Variants in ZNF280A observed in about 807,000 individuals in gnomAD.
The protein encoded by ZNF280A is suppressor of hairy wing homolog 1.
ZNF280A carries 26 observed loss-of-function variants against 35.9 expected under a neutral mutation model. The ratio of observed to expected loss-of-function variants is 0.72; its 90% confidence interval spans 0.53 to 1.01. The LOEUF (loss-of-function observed/expected upper bound fraction) is 1.01. ZNF280A is among the 50% of genes least tolerant of loss of function. The pLI is 0.00. For synonymous variants in ZNF280A, 231 were observed against 232.9 expected (o/e 0.99, Z 0.07); for missense variants, 654 against 652.0 (o/e 1.00, Z -0.03).
chr22:22,517,766 A>G (rs945928589), intron 1 of ZNF280A, among the ~76,000 whole-genome samples: 1 of 151,816 alleles, frequency 6.6e-6, no homozygotes, highest in African/African-American at 2.4e-5. Flanking sequence ...GGAATCAAAA[A>G]TGACATATCT....
In ZNF280A at chr22:22,514,999, T is replaced by C. The variant is rs2062052239; in HGVS notation, c.632A>G (p.Gln211Arg). ...ATGGTTTGATGAGTTGCAGATCCCCTGTGAGGGTGTATTTGTGCTTATTGT... is the reference window on the plus strand; with the variant it reads ...ATGGTTTGATGAGTTGCAGATCCCCCGTGAGGGTGTATTTGTGCTTATTGT... Reference protein sequence around the residue: ...SSTISTNTPSQGICNSSNHVQ... With the variant: ...SSTISTNTPSRGICNSSNHVQ... The change falls in exon 2 of 2, where the codon CAG becomes CGG. Residue 211 changes from glutamine to arginine, a missense_variant. By Grantham distance (43) the Gln-to-Arg change is conservative (BLOSUM62 1). Transcript: ENST00000302097. 1 of 1,613,814 alleles carries C rather than the reference T, an allele frequency of 6.2e-7. No individual in the cohort carries two copies. The highest frequency in any genetic ancestry group is 1.3e-5 in the African/African-American group (1 of 74,870).
intron 1 of ZNF280A, among the ~76,000 whole-genome samples, chr22:22,517,586 A>C (rs362168): frequency 6.6e-6 from 1 of 151,604 alleles, no homozygotes; most frequent in Non-Finnish European, 1.5e-5. Flanking sequence ...TCACCTTACC[A>C]CAAGGGATAG....
chr22:22,514,097 T>C lies in ZNF280A; in HGVS notation c.1534A>G (p.Asn512Asp). The change falls in exon 2 of 2, where the codon AAC becomes GAC. Residue 512 changes from asparagine to aspartate, a missense_variant. Physicochemically the swap from Asn to Asp is conservative, Grantham distance 23 (BLOSUM62 1). Coordinates refer to ENST00000302097, the MANE Select transcript of ZNF280A (RefSeq NM_080740.5). Reference protein sequence around the residue: ...SSGMASVIVSNTDPQSSPVKT... With the variant: ...SSGMASVIVSDTDPQSSPVKT... ...ACAGGAGAAGACTGAGGGTCAGTGT[T>C]GCTAACAATAACGGAAGCCATACCA... 6.2e-7 allele frequency: 1 copy of C among 1,613,930 alleles called. No homozygotes were observed. The highest frequency in any genetic ancestry group is 8.5e-7 in the Non-Finnish European group (1 of 1,179,970).
intron 1 of ZNF280A, among the ~76,000 whole-genome samples, chr22:22,517,985 T>C (rs362118): frequency 0.5 from 73,938 of 148,078 alleles, 20,596 homozygotes; most frequent in African/African-American, 0.74. Flanking sequence ...AGTGCAGTGG[T>C]GCGATCTCGG....
chr22:22,516,441 T>G (rs933780666), intron 1 of ZNF280A, among the ~76,000 whole-genome samples: 1 of 151,944 alleles, frequency 6.6e-6, no homozygotes, highest in African/African-American at 2.4e-5. Context: ...AAAGCTAGTC[T>G]GCTCTATCTT....
chr22:22,518,554 G>GAGAT (rs2062101678), intron 1 of ZNF280A, among the ~76,000 whole-genome samples: 1 of 151,568 alleles, frequency 6.6e-6, no homozygotes, highest in Non-Finnish European at 1.5e-5. Flanking sequence ...TTGGGAGGCC[G>GAGAT]AGGTGGGCAG....
At chr22:22,518,167 C>T (rs952974273) in intron 1 of ZNF280A, among the ~76,000 whole-genome samples, 24 of 151,704 alleles carry the variant, frequency 1.6e-4, no homozygotes, top group Non-Finnish European at 2.5e-4. Flanking sequence ...CCTCGTGATC[C>T]GCCCGCCTCG....
At chr22:22,516,021 C>G (rs2062064881) in intron 1 of ZNF280A, among the ~76,000 whole-genome samples, 2 of 151,826 alleles carry the variant, frequency 1.3e-5, no homozygotes, top group Non-Finnish European at 2.9e-5. Flanking sequence ...TCTCAGATGT[C>G]TAAGGTTTCT....
chr22:22,518,373 C>T lies in ZNF280A; in HGVS notation c.-72+1716G>A, dbSNP rs187840931. On this transcript the variant is annotated intron_variant, in intron 1 of 1. Coordinates refer to ENST00000302097, the MANE Select transcript of ZNF280A (RefSeq NM_080740.5). ...CAGAAATTGGAAAATTGGCCCTTCC[C>T]CTGTTTTTGTACAGTCAGGAAGCCA... Among the ~76,000 whole-genome samples, 243 of 152,016 alleles carry T rather than the reference C, an allele frequency of 1.6e-3. 2 individuals are homozygous for T. The East Asian group carries it at 0.033, about 21-fold the overall frequency.
At position 22,514,320 on chromosome 22, in the gene ZNF280A, T is replaced by C. The variant is rs750998418; in HGVS notation, c.1311A>G (p.Pro437=). 1 of 1,613,944 alleles carries C rather than the reference T, an allele frequency of 6.2e-7. No homozygotes were observed. Among genetic ancestry groups the C allele is most frequent in the Admixed American group, 1.7e-5 (1 of 59,994 alleles). Residue 437 remains proline, a synonymous_variant, in exon 2 of 2, where the codon CCA becomes CCG. Coordinates refer to ENST00000302097, the MANE Select transcript of ZNF280A (RefSeq NM_080740.5). ...TGTGCCTCCAACAATGATTCATGTATGGTATTGCAGTTTTGAAAAGTTTGA... is the reference window on the plus strand; with the variant it reads ...TGTGCCTCCAACAATGATTCATGTACGGTATTGCAGTTTTGAAAAGTTTGA... The part of the protein sequence containing the change: ...FCLKLFKTAI[P]YMNHCWRHSR...
In ZNF280A at chr22:22,514,761, C is replaced by T. The variant is rs61746878; in HGVS notation, c.870G>A (p.Pro290=). 0.033 allele frequency: 52,665 copies of T among 1,613,810 alleles called. 985 individuals are homozygous for T. Among genetic ancestry groups the T allele is most frequent in the Middle Eastern group, 0.057 (343 of 6,052 alleles). ...YYGQHKGDGQ[P]EQKTHTTFKC... is the part of the protein sequence containing the mutation. ...TAAAGGTGGTGTGAGTCTTCTGTTCCGGCTGCCCATCTCCTTTATGCTGTC... is the reference window on the plus strand; with the variant it reads ...TAAAGGTGGTGTGAGTCTTCTGTTCTGGCTGCCCATCTCCTTTATGCTGTC... The change falls in exon 2 of 2, where the codon CCG becomes CCA. Residue 290 remains proline, a synonymous_variant. Transcript: ENST00000302097.
Position 22,514,997 on chromosome 22 carries a change from C to A in ZNF280A, c.634G>T (p.Gly212Trp), listed in dbSNP as rs1203696577. Residue 212 changes from glycine (G) to tryptophan (W), a missense_variant, in exon 2 of 2, where the codon GGG (glycine) becomes TGG (tryptophan). By Grantham distance (184) the Gly-to-Trp change is radical. Transcript: ENST00000302097. ...ACATGGTTTGATGAGTTGCAGATCC[C>A]CTGTGAGGGTGTATTTGTGCTTATT... ...STISTNTPSQ[G>W]ICNSSNHVQN... 6.2e-7 allele frequency: 1 copy of A among 1,613,666 alleles called. No homozygotes were observed. Among genetic ancestry groups the A allele is most frequent in the African/African-American group, 1.3e-5 (1 of 74,814 alleles).
chr22:22,517,876 T>TA lies in ZNF280A; in HGVS notation c.-71-2176dup, dbSNP rs362029. Among the ~76,000 whole-genome samples the TA allele has an allele frequency of 3.9e-3, 500 of 127,912 alleles. 2 individuals are homozygous for TA. Among genetic ancestry groups the TA allele is most frequent in the Admixed American group, 6.5e-3 (81 of 12,512 alleles). 83.9% of individuals were successfully genotyped at this position (127,912 alleles called of 152,430 possible). A position where few individuals can be genotyped will look rare whatever the true frequency, so the allele number is the denominator to read the frequency against. ...ATATCAGCATGTTTAACATCTGATG[T>TA]AAAAAAAAAAAAAAAGGAGAGTAAT... On this transcript the variant is annotated intron_variant, in intron 1 of 1. Coordinates refer to ENST00000302097, the MANE Select transcript of ZNF280A (RefSeq NM_080740.5).
At chr22:22,518,554 G>A (rs1290466476) in intron 1 of ZNF280A, among the ~76,000 whole-genome samples, 1 of 151,562 alleles carries the variant, frequency 6.6e-6, no homozygotes, top group Non-Finnish European at 1.5e-5. Flanking sequence ...TTGGGAGGCC[G>A]AGGTGGGCAG....
At position 22,515,167 on chromosome 22, in the gene ZNF280A, C is replaced by T. The variant is rs1468242323; in HGVS notation, c.464G>A (p.Gly155Glu). The change falls in exon 2 of 2, where the codon GGA becomes GAA. Residue 155 changes from glycine to glutamate, a missense_variant. Transcript: ENST00000302097. ...TQCLVGAMVS[G>E]GGRNESSPDS... ...AGGAGAACTCTCATTTCTGCCTCCT[C>T]CAGAGACCATAGCTCCAACTAGACA... 2 of 1,613,908 alleles carry T rather than the reference C, an allele frequency of 1.2e-6. No homozygotes were observed. Among genetic ancestry groups the T allele is most frequent in the Admixed American group, 3.3e-5 (2 of 59,996 alleles).
rs905891524 is a variant in ZNF280A, at chr22:22,514,582, T to G, written c.1049A>C (p.Gln350Pro). ...GATGTGTACACTATCAATGTGACAC[T>G]GTAGCTGGAAGGGAGTGGGAAACTG... Reference protein sequence around the residue: ...HRQFPTPFQLQCHIDSVHIAM... With the variant: ...HRQFPTPFQLPCHIDSVHIAM... The change falls in exon 2 of 2, where the codon CAG becomes CCG. Residue 350 changes from glutamine (Q) to proline (P), a missense_variant. Physicochemically the swap from Gln to Pro is moderately conservative, Grantham distance 76. Transcript: ENST00000302097. 1 of 1,613,942 alleles carries G rather than the reference T, an allele frequency of 6.2e-7. No homozygotes were observed.
rs4822091 is a variant in ZNF280A, at chr22:22,520,154, G to A, written c.-137C>T. On this transcript the variant is annotated 5_prime_UTR_variant, in exon 1 of 2. Transcript: ENST00000302097. ...AGCTCAGTATGTTCCACTCTGGGCCGCAAGGGAAAGCGAAGCTGGAGCTTC... is the reference window on the plus strand; with the variant it reads ...AGCTCAGTATGTTCCACTCTGGGCCACAAGGGAAAGCGAAGCTGGAGCTTC... The A allele has an allele frequency of 0.91, 138,528 of 151,940 alleles. 63,684 individuals carry two copies. Among genetic ancestry groups the A allele is most frequent in the Middle Eastern group, 0.97 (280 of 288 alleles). 9.4% of individuals were successfully genotyped at this position (151,940 alleles called of 1,614,324 possible). A position where few individuals can be genotyped will look rare whatever the true frequency, so the allele number is the denominator to read the frequency against.
At chr22:22,516,488 T>A (rs1044303166) in intron 1 of ZNF280A, among the ~76,000 whole-genome samples, 1 of 151,898 alleles carries the variant, frequency 6.6e-6, no homozygotes, top group Non-Finnish European at 1.5e-5. Flanking sequence ...CTCTTCCACA[T>A]CTACTGCCAC....
Position 22,514,233 on chromosome 22 carries a change from T to C in ZNF280A, c.1398A>G (p.Glu466=), listed in dbSNP as rs757736444. The change falls in exon 2 of 2, where the codon GAA becomes GAG. Residue 466 remains glutamate (E), a synonymous_variant. Transcript: ENST00000302097. ...CRLQFLTLKE[E]IEHKTKDHQT... is the part of the protein sequence containing the mutation. ...GATGGTCCTTGGTTTTGTGCTCTAT[T>C]TCCTCCTTCAACGTCAAAAACTGTA... The C allele has an allele frequency of 6.2e-7, 1 of 1,613,788 alleles. No individual in the cohort carries two copies. Among genetic ancestry groups the C allele is most frequent in the South Asian group, 1.1e-5 (1 of 91,052 alleles).
Sources: gnomAD v4.1 joint callset for allele counts (sites outside exome capture counted in the v4.1 genomes callset) on GRCh38, gnomAD v4.1.1 for gene constraint, MANE v1.5 for transcripts, NCBI Gene and HGNC (gene_info 2026-07-23, HGNC 2026-07-21) for gene names.